DEK: variants seen among roughly 807,000 people sequenced by gnomAD.
DEK encodes the protein DEK proto-oncogene.
DEK carries 28 observed loss-of-function variants against 46.8 expected under a neutral mutation model. That is an observed-to-expected ratio of 0.60 (90% CI 0.44 to 0.82). The LOEUF (loss-of-function observed/expected upper bound fraction) is 0.82. Ranked by LOEUF, DEK falls within the 40% of genes least tolerant of loss-of-function variation. The pLI is 0.00. For synonymous variants in DEK, 160 were observed against 144.5 expected (o/e 1.11, Z -0.77); for missense variants, 416 against 430.6 (o/e 0.97, Z 0.30).
chr6:18,242,676 T>C (rs1489466699), intron 7 of DEK, among the ~76,000 whole-genome samples: 1 of 152,164 alleles, frequency 6.6e-6, no homozygotes, highest in Admixed American at 6.5e-5. Flanking sequence ...GCAGTATCAT[T>C]GTGCTTGTGC....
intron 7 of DEK, among the ~76,000 whole-genome samples, chr6:18,238,299 T>C (rs189315526): frequency 9.8e-5 from 15 of 152,318 alleles, no homozygotes; most frequent in African/African-American, 3.1e-4. Flanking sequence ...CACAGTCACA[T>C]TAATAAACAT....
intron 2 of DEK, 101 bp downstream of exon 2, chr6:18,263,742 G>A (rs1028554057): frequency 3.5e-5 from 56 of 1,595,174 alleles, no homozygotes; most frequent in Non-Finnish European, 4.5e-5. Flanking sequence ...CCGACTTCAC[G>A]CCTCTAAACA....
At chr6:18,240,152 T>C (rs1162325226) in intron 7 of DEK, among the ~76,000 whole-genome samples, 1 of 152,214 alleles carries the variant, frequency 6.6e-6, no homozygotes, top group Admixed American at 6.5e-5. Flanking sequence ...CTGCAAATTG[T>C]GAGTAGTGAC....
At chr6:18,248,763 C>T (rs976075292) in intron 7 of DEK, among the ~76,000 whole-genome samples, 1 of 152,158 alleles carries the variant, frequency 6.6e-6, no homozygotes, top group Non-Finnish European at 1.5e-5. Flanking sequence ...CTCCTTGTCT[C>T]GCCCCAGGGA....
intron 6 of DEK, among the ~76,000 whole-genome samples, chr6:18,251,962 A>G (rs548243384): frequency 2.0e-5 from 3 of 152,336 alleles, no homozygotes; most frequent in African/African-American, 7.2e-5. Flanking sequence ...GAGGAGTTTT[A>G]AAACCAAAAT....
At chr6:18,254,433 C>A (rs1791519704) in intron 6 of DEK, among the ~76,000 whole-genome samples, 1 of 152,140 alleles carries the variant, frequency 6.6e-6, no homozygotes. Context: ...AGACATTAAA[C>A]AGATGTACAA....
At chr6:18,261,110 G>T (rs1284548398) in intron 2 of DEK, among the ~76,000 whole-genome samples, 2 of 152,110 alleles carry the variant, frequency 1.3e-5, no homozygotes, top group African/African-American at 4.8e-5. Flanking sequence ...GTGGGAAGGG[G>T]GCTGCCACCT....
chr6:18,246,048 T>C (rs1306441325), intron 7 of DEK, among the ~76,000 whole-genome samples: 1 of 152,246 alleles, frequency 6.6e-6, no homozygotes, highest in Non-Finnish European at 1.5e-5. Flanking sequence ...TGTGGAACTG[T>C]GAGTCAACTA....
In DEK at chr6:18,225,694, C is replaced by A. The variant is rs372245813; in HGVS notation, c.*25G>T. 8 of 1,610,214 alleles carry A rather than the reference C, an allele frequency of 5.0e-6. No individual in the cohort carries two copies. The African/African-American group carries it at 6.7e-5, about 13-fold the overall frequency. ...AATCAGATCTTCAAATCTATGGGAA[C>A]GAGTCATCTTCTCTGTCCTCTATCT... is the stretch of plus-strand genomic sequence containing the variant. On this transcript the variant is annotated 3_prime_UTR_variant, in exon 11 of 11. Transcript: ENST00000652689.
intron 9 of DEK, among the ~76,000 whole-genome samples, chr6:18,230,157 C>A (rs1016031952): frequency 3.9e-5 from 6 of 152,056 alleles, no homozygotes; most frequent in African/African-American, 1.2e-4. Flanking sequence ...GAAATAAAAT[C>A]CTTTACAGAC....
At chr6:18,245,623 G>C (rs540474240) in intron 7 of DEK, among the ~76,000 whole-genome samples, 7 of 152,326 alleles carry the variant, frequency 4.6e-5, no homozygotes, top group African/African-American at 1.7e-4. Flanking sequence ...GAGTCTAAAA[G>C]ACTGTTAGAA....
intron 2 of DEK, among the ~76,000 whole-genome samples, chr6:18,260,913 G>A (rs1428872826): frequency 2.0e-5 from 3 of 151,282 alleles, no homozygotes; most frequent in East Asian, 3.9e-4. Flanking sequence ...TTGAGCCTGG[G>A]AGGCAGAGTT....
Position 18,263,898 on chromosome 6 carries a change from C to A in DEK, c.90G>T (p.Glu30Asp). ...CCTCGTCCTCTTCCTCCTCGCTCTC[C>A]TCTCTGGGACCGGGCATTTCGGGTT... ...EKEPEMPGPREESEEEEDEDD... is the reference protein window; with the variant it reads ...EKEPEMPGPRDESEEEEDEDD... Residue 30 changes from glutamate (E) to aspartate (D), a missense_variant, in exon 2 of 11, where the codon GAG (glutamate) becomes GAT (aspartate). Coordinates refer to ENST00000652689, the MANE Select transcript of DEK (RefSeq NM_003472.4). 6.2e-7 allele frequency: 1 copy of A among 1,612,630 alleles called. No individual in the cohort carries two copies. Among genetic ancestry groups the A allele is most frequent in the Non-Finnish European group, 8.5e-7 (1 of 1,179,338 alleles).
chr6:18,261,557 G>A (rs1282374514), intron 2 of DEK, among the ~76,000 whole-genome samples: 1 of 152,050 alleles, frequency 6.6e-6, no homozygotes, highest in Non-Finnish European at 1.5e-5. Flanking sequence ...GGCAACGAGA[G>A]CGAAACTCCG....
intron 6 of DEK, among the ~76,000 whole-genome samples, chr6:18,254,310 AAC>A (rs951970819): frequency 6.6e-6 from 1 of 152,142 alleles, no homozygotes; most frequent in Non-Finnish European, 1.5e-5. Flanking sequence ...TAGCCTGGGC[AAC>A]AGAGTGAGAA....
At chr6:18,262,721 C>G (rs56264654) in intron 2 of DEK, among the ~76,000 whole-genome samples, 6,131 of 152,274 alleles carry the variant, frequency 0.04, 178 homozygotes, top group Non-Finnish European at 0.064. Context: ...GCCTCTTTGG[C>G]TAGCAGCGAG....
chr6:18,230,507 A>G (rs1234779164), intron 9 of DEK, among the ~76,000 whole-genome samples: 1 of 152,212 alleles, frequency 6.6e-6, no homozygotes, highest in African/African-American at 2.4e-5. Context: ...AGACACACAT[A>G]GGCTCAAAAT....
chr6:18,226,779 A>G (rs1043167986), intron 9 of DEK, among the ~76,000 whole-genome samples: 7 of 152,154 alleles, frequency 4.6e-5, no homozygotes, highest in South Asian at 2.1e-4. Context: ...GGGGAAAAGA[A>G]AGAGAGATCA....
chr6:18,247,288 A>T (rs911542430), intron 7 of DEK, among the ~76,000 whole-genome samples: 10 of 152,174 alleles, frequency 6.6e-5, no homozygotes, highest in African/African-American at 2.4e-4. Context: ...AAAGGGGGGG[A>T]AACAATTTCT....
Sources: allele counts gnomAD v4.1 joint callset (sites outside exome capture counted in the v4.1 genomes callset), GRCh38; gene constraint gnomAD v4.1.1; transcripts MANE v1.5; gene names NCBI Gene and HGNC (gene_info 2026-07-23, HGNC 2026-07-21).